NINL: variants seen among roughly 807,000 people sequenced by gnomAD.
NINL encodes the protein ninein like, also known as ninein-like protein.
In NINL, 153 loss-of-function variants were observed where a neutral mutation model predicts 160.3. That is an observed-to-expected ratio of 0.95 (90% CI 0.84 to 1.09). The LOEUF is 1.09. Ranked by LOEUF, NINL falls within the 50% of genes least tolerant of loss-of-function variation. The pLI is 0.00. For synonymous variants in NINL, 800 were observed against 734.8 expected (o/e 1.09, Z -1.43); for missense variants, 1,829 against 1,764.0 (o/e 1.04, Z -0.66).
At chr20:25,582,235 C>T (rs192381167) in intron 1 of NINL, among the ~76,000 whole-genome samples, 78 of 152,280 alleles carry the variant, frequency 5.1e-4, no homozygotes, top group African/African-American at 1.8e-3. Context: ...AGCCTGGCGA[C>T]AGAGCGAGAC....
At chr20:25,494,629 C>T (rs1055604594) in intron 10 of NINL, among the ~76,000 whole-genome samples, 1 of 152,018 alleles carries the variant, frequency 6.6e-6, no homozygotes, top group East Asian at 1.9e-4. Flanking sequence ...CGGGGTGAGG[C>T]CCCGCCCTGT....
intron 7 of NINL, among the ~76,000 whole-genome samples, chr20:25,503,266 T>G (rs2063902139): frequency 7.7e-6 from 1 of 129,990 alleles, no homozygotes; most frequent in Non-Finnish European, 1.6e-5. Flanking sequence ...CCCCAGCAGG[T>G]GGGCACCTGA....
chr20:25,482,196 A>AG, intron 13 of NINL, 96 bp from the exon 14 acceptor site: 2 of 1,424,254 alleles, frequency 1.4e-6, no homozygotes, highest in Middle Eastern at 5.1e-4. Context: ...CTTGCAGGTG[A>AG]GGTGCACTGT....
intron 5 of NINL, chr20:25,509,542 G>T (rs1003014156): frequency 4.9e-6 from 2 of 405,950 alleles, no homozygotes; most frequent in Non-Finnish European, 9.8e-6. Flanking sequence ...GCCCCAAGCT[G>T]CTCTGAGAGG....
At position 25,504,069 on chromosome 20, in the gene NINL, G is replaced by A. The variant is rs544525213; in HGVS notation, c.744C>T (p.Asp248=). The part of the protein sequence containing the change: ...LEDLFNKLDQ[D]GDGKVSLEEF... ...CCTCAAGACTCACTTTGCCGTCTCC[G>A]TCTTGATCCAGTTTGTTAAACAGGT... The change falls in exon 7 of 24, where the codon GAC becomes GAT. Residue 248 remains aspartate, a synonymous_variant. Coordinates refer to ENST00000278886, the MANE Select transcript of NINL (RefSeq NM_025176.6). 64 of 1,598,920 alleles carry A rather than the reference G, an allele frequency of 4.0e-5. No individual in the cohort carries two copies. Among genetic ancestry groups the A allele is most frequent in the South Asian group, 1.6e-4 (14 of 88,670 alleles).
At chr20:25,585,064 G>C (rs2065213208) in intron 1 of NINL, among the ~76,000 whole-genome samples, 1 of 152,180 alleles carries the variant, frequency 6.6e-6, no homozygotes, top group African/African-American at 2.4e-5. Flanking sequence ...GCCCGCGCTG[G>C]GCAGGCGGCG....
intron 2 of NINL, among the ~76,000 whole-genome samples, chr20:25,521,616 G>A (rs1398027338): frequency 6.6e-6 from 1 of 152,210 alleles, no homozygotes; most frequent in African/African-American, 2.4e-5. Flanking sequence ...TCTAAGTGCA[G>A]GATTTGAGAT....
At chr20:25,516,455 A>G (rs2064161956) in intron 3 of NINL, among the ~76,000 whole-genome samples, 1 of 152,192 alleles carries the variant, frequency 6.6e-6, no homozygotes, top group African/African-American at 2.4e-5. Flanking sequence ...GTTTCTTTGG[A>G]AGCACTGACA....
chr20:25,549,874 T>C (rs1249614205), intron 1 of NINL, among the ~76,000 whole-genome samples: 1 of 152,196 alleles, frequency 6.6e-6, no homozygotes, highest in Non-Finnish European at 1.5e-5. Context: ...GTAGAATATT[T>C]ACAAGGTTCT....
intron 1 of NINL, among the ~76,000 whole-genome samples, chr20:25,570,805 C>T (rs1294890188): frequency 6.9e-6 from 1 of 145,228 alleles, no homozygotes; most frequent in East Asian, 2.1e-4. Flanking sequence ...CAGGCTCATG[C>T]GATTCTCCTG....
chr20:25,492,297 G>C (rs1460663234), intron 10 of NINL, among the ~76,000 whole-genome samples: 1 of 152,154 alleles, frequency 6.6e-6, no homozygotes, highest in African/African-American at 2.4e-5. Flanking sequence ...TAAATCTTTT[G>C]GGGTAGTGTT....
intron 19 of NINL, among the ~76,000 whole-genome samples, chr20:25,463,064 A>G (rs1304615134): frequency 6.6e-6 from 1 of 152,196 alleles, no homozygotes; most frequent in Non-Finnish European, 1.5e-5. Flanking sequence ...CAATGTCTCC[A>G]GGTATTTTTG....
At chr20:25,464,013 C>T (rs1417305269) in intron 19 of NINL, among the ~76,000 whole-genome samples, 1 of 152,234 alleles carries the variant, frequency 6.6e-6, no homozygotes, top group African/African-American at 2.4e-5. Flanking sequence ...ACACATTCAC[C>T]TTGTCCTCTA....
chr20:25,540,088 T>C (rs2064636922), intron 1 of NINL: 2 of 1,266,616 alleles, frequency 1.6e-6, no homozygotes, highest in Non-Finnish European at 2.1e-6. Context: ...CTCCTTGGTA[T>C]TCCACATCTG....
intron 13 of NINL, among the ~76,000 whole-genome samples, chr20:25,483,737 G>C (rs1211720965): frequency 6.6e-6 from 1 of 152,274 alleles, no homozygotes; most frequent in Non-Finnish European, 1.5e-5. Flanking sequence ...GTCCTAACCA[G>C]TATGCTCAGT....
rs378534 is a variant in NINL, at chr20:25,500,741, T to C, written c.1032+99A>G. 9,072 of 1,355,104 alleles carry C rather than the reference T, an allele frequency of 6.7e-3. 361 individuals are homozygous for C. The African/African-American group carries it at 0.092, about 14-fold the overall frequency. 83.9% of individuals were successfully genotyped at this position (1,355,104 alleles called of 1,614,324 possible). ...ATTCTCTGCACAGAGCACACACCCCTGCTGGGTCCCCTGGCTTGGGACGCT... is the reference window on the plus strand; with the variant it reads ...ATTCTCTGCACAGAGCACACACCCCCGCTGGGTCCCCTGGCTTGGGACGCT... On this transcript the variant is annotated intron_variant, in intron 8 of 23. Coordinates refer to ENST00000278886, the MANE Select transcript of NINL (RefSeq NM_025176.6).
intron 6 of NINL, 60 bp downstream of exon 6, chr20:25,504,828 A>C: frequency 4.4e-6 from 7 of 1,573,562 alleles, no homozygotes; most frequent in Non-Finnish European, 6.1e-6. Context: ...TTCCAGACCC[A>C]ACACTAAACC....
chr20:25,557,500 C>T (rs957419527), intron 1 of NINL, among the ~76,000 whole-genome samples: 6 of 151,556 alleles, frequency 4.0e-5, no homozygotes, highest in Admixed American at 2.6e-4. Flanking sequence ...CACTGCACTC[C>T]ACCCTGGGCA....
chr20:25,584,352 CG>C (rs1040612277), intron 1 of NINL, among the ~76,000 whole-genome samples: 2 of 150,758 alleles, frequency 1.3e-5, no homozygotes, highest in African/African-American at 4.9e-5. Context: ...CCCAGCTACT[CG>C]GGAGGCTGAG....
Sources: gnomAD v4.1 joint callset for allele counts (sites outside exome capture counted in the v4.1 genomes callset) on GRCh38, gnomAD v4.1.1 for gene constraint, MANE v1.5 for transcripts, NCBI Gene and HGNC (gene_info 2026-07-23, HGNC 2026-07-21) for gene names.